Variants in NXPE2 observed in about 807,000 individuals in gnomAD.
The protein encoded by NXPE2 is neurexophilin and PC-esterase domain family member 2, also known as NXPE family member 2.
A neutral mutation model predicts 34.4 loss-of-function variants in NXPE2; 34 were observed. The ratio of observed to expected loss-of-function variants is 0.99; its 90% CI spans 0.75 to 1.31. The LOEUF is 1.31. Among genes scored for constraint, NXPE2 ranks in the 40% most tolerant of loss-of-function variants. NXPE2 has a pLI of 0.00. For missense variants in NXPE2, 649 were observed against 672.5 expected, an observed-to-expected ratio of 0.97 and a Z score of 0.39; for synonymous variants, 235 against 231.3, an observed-to-expected ratio of 1.02 and a Z score of -0.15.
At chr11:114,467,539 A>G in the NXPE2 span, among the ~76,000 whole-genome samples, 2 of 151,720 alleles carry the variant, frequency 1.3e-5, no homozygotes, top group African/African-American at 4.9e-5. Flanking sequence ...GAAATAGGGA[A>G]GAAGGCTATC....
At chr11:114,504,915 T>C in the NXPE2 span, among the ~76,000 whole-genome samples, 2 of 152,086 alleles carry the variant, frequency 1.3e-5, no homozygotes, top group African/African-American at 4.8e-5. Context: ...TAGAATTTAG[T>C]ATATGGACAG....
the NXPE2 span, among the ~76,000 whole-genome samples, chr11:114,796,773 T>C: frequency 2.6e-5 from 4 of 152,176 alleles, no homozygotes; most frequent in East Asian, 7.7e-4. Context: ...AATCCCAACA[T>C]AGAGTGATGA....
the NXPE2 span, chr11:114,582,811 TG>T: frequency 6.2e-7 from 1 of 1,614,146 alleles, no homozygotes; most frequent in Admixed American, 1.7e-5. Context: ...TTGAGGATGG[TG>T]GCTGTGCTAT....
the NXPE2 span, among the ~76,000 whole-genome samples, chr11:114,616,685 T>A: frequency 2.0e-5 from 3 of 151,720 alleles, 1 homozygote; most frequent in African/African-American, 4.9e-5. Flanking sequence ...ATAATACGTG[T>A]TGCCTCGTCT....
the NXPE2 span, chr11:114,571,275 A>G: frequency 7.6e-5 from 123 of 1,613,906 alleles, no homozygotes; most frequent in Non-Finnish European, 9.6e-5. Context: ...GCCCAGGGAA[A>G]TAACAATGAC....
the NXPE2 span, among the ~76,000 whole-genome samples, chr11:114,672,258 T>C: frequency 6.6e-6 from 1 of 151,922 alleles, no homozygotes; most frequent in South Asian, 2.1e-4. Flanking sequence ...AAAGCAACTA[T>C]AGAACATAAA....
At chr11:114,789,614 G>C in the NXPE2 span, among the ~76,000 whole-genome samples, 1 of 152,194 alleles carries the variant, frequency 6.6e-6, no homozygotes, top group East Asian at 1.9e-4. Context: ...TTTAAATGCT[G>C]AGATGGGTGG....
the NXPE2 span, among the ~76,000 whole-genome samples, chr11:114,813,375 G>T: frequency 5.3e-5 from 8 of 152,140 alleles, no homozygotes; most frequent in Non-Finnish European, 1.0e-4. Context: ...GAGGGACCAG[G>T]CCAGGCTGGT....
At chr11:114,521,954 A>T in the NXPE2 span, 1,404 of 1,571,034 alleles carry the variant, frequency 8.9e-4, 33 homozygotes, top group East Asian at 0.026. Flanking sequence ...GTGATTTTGT[A>T]TAGTATTTAT....
At chr11:114,700,688 AAAT>A (rs1951349769) in intron 3 of NXPE2, among the ~76,000 whole-genome samples, 1 of 152,188 alleles carries the variant, frequency 6.6e-6, no homozygotes, top group African/African-American at 2.4e-5. Flanking sequence ...AAAATAAGTA[AAAT>A]AATACAATCT....
the NXPE2 span, among the ~76,000 whole-genome samples, chr11:114,753,850 A>T: frequency 6.6e-6 from 1 of 152,224 alleles, no homozygotes; most frequent in Non-Finnish European, 1.5e-5. Flanking sequence ...GATTTTGCAT[A>T]TTAAAGTACC....
the NXPE2 span, among the ~76,000 whole-genome samples, chr11:114,506,764 C>A: frequency 6.6e-6 from 1 of 152,082 alleles, no homozygotes; most frequent in Non-Finnish European, 1.5e-5. Context: ...ACACTAAACA[C>A]CCATATCAAA....
At chr11:114,501,304 G>A in the NXPE2 span, among the ~76,000 whole-genome samples, 1 of 152,130 alleles carries the variant, frequency 6.6e-6, no homozygotes, top group Admixed American at 6.5e-5. Context: ...CAATTTGGAA[G>A]CCATTGCTCT....
rs1012754283 is a variant in NXPE2, at chr11:114,706,730, G to C, written c.1480G>C (p.Glu494Gln). The change falls in exon 6 of 6, where the codon GAG becomes CAG. Residue 494 changes from glutamate (E) to glutamine (Q), a missense_variant. Transcript: ENST00000389586. ...GATACTTAAAACTGAAAACACCAGA[G>C]AGATAGAACAAAATGCAGAGATGTT... Reference protein sequence around the residue: ...KVILKTENTREIEQNAEMFSD... With the variant: ...KVILKTENTRQIEQNAEMFSD... The C allele has an allele frequency of 5.2e-6, 8 of 1,552,172 alleles. No homozygotes were observed. In the African/African-American group the frequency reaches 1.1e-4, roughly 21 times the overall value.
the NXPE2 span, among the ~76,000 whole-genome samples, chr11:114,521,401 G>C: frequency 6.6e-6 from 1 of 151,988 alleles, no homozygotes. Context: ...GACTCCTTTG[G>C]GTTACCTCCT....
intron 3 of NXPE2, among the ~76,000 whole-genome samples, chr11:114,700,618 C>T (rs1003619704): frequency 6.6e-6 from 1 of 152,126 alleles, no homozygotes; most frequent in African/African-American, 2.4e-5. Flanking sequence ...TTTTGTCTCA[C>T]AGGCCCAGCA....
intron 2 of NXPE2, among the ~76,000 whole-genome samples, chr11:114,689,794 A>G (rs1411581517): frequency 6.6e-6 from 1 of 152,126 alleles, no homozygotes; most frequent in African/African-American, 2.4e-5. Context: ...ATGCATATAT[A>G]TTTAGGATAG....
the NXPE2 span, among the ~76,000 whole-genome samples, chr11:114,587,995 CT>C: frequency 6.6e-6 from 1 of 152,162 alleles, no homozygotes; most frequent in African/African-American, 2.4e-5. Flanking sequence ...GGTCAGAGGT[CT>C]CTTAGGTACA....
chr11:114,693,198 T>A (rs2135551627), intron 2 of NXPE2, among the ~76,000 whole-genome samples: 1 of 152,308 alleles, frequency 6.6e-6, no homozygotes, highest in African/African-American at 2.4e-5. Flanking sequence ...GTGATACAGG[T>A]AACCTAGGGA....
Sources: gnomAD v4.1 joint callset for allele counts (sites outside exome capture counted in the v4.1 genomes callset) on GRCh38, gnomAD v4.1.1 for gene constraint, MANE v1.5 for transcripts, NCBI Gene and HGNC (gene_info 2026-07-23, HGNC 2026-07-21) for gene names.